TUSC3: variants seen among roughly 807,000 people sequenced by gnomAD.
The protein encoded by TUSC3 is dolichyl-diphosphooligosaccharide--protein glycosyltransferase subunit TUSC3.
In TUSC3, 45 loss-of-function variants were observed where a neutral mutation model predicts 44.8. The observed-to-expected ratio is 1.00, with a 90% CI of 0.79 to 1.29. The LOEUF (loss-of-function observed/expected upper bound fraction) is 1.29. Ranked by LOEUF, TUSC3 falls within the 50% of genes most tolerant of loss-of-function variation. TUSC3 has a pLI of 0.00. For missense variants in TUSC3, 519 were observed against 437.9 expected (o/e 1.19, Z -1.65); for synonymous variants, 212 against 152.9 (o/e 1.39, Z -2.85).
At chr8:15,557,762 A>G (rs1802318822) in intron 1 of TUSC3, among the ~76,000 whole-genome samples, 1 of 138,836 alleles carries the variant, frequency 7.2e-6, no homozygotes. Flanking sequence ...TTCTCTTTGA[A>G]GCAGTTGTGA....
intron 2 of TUSC3, among the ~76,000 whole-genome samples, chr8:15,497,830 C>T (rs760623368): frequency 1.1e-4 from 17 of 151,736 alleles, no homozygotes; most frequent in South Asian, 2.1e-4. Flanking sequence ...CTGCAACCTC[C>T]GCCTCCCGGG....
At chr8:15,763,951 A>G (rs958667239) in intron 10 of TUSC3, among the ~76,000 whole-genome samples, 6 of 152,080 alleles carry the variant, frequency 3.9e-5, no homozygotes, top group African/African-American at 7.2e-5. Flanking sequence ...AGGAATGTCT[A>G]TGTAAATTTA....
In TUSC3 at chr8:15,689,821, GGTGTGT is replaced by G. The variant is rs71543657; in HGVS notation, c.798+16022_798+16027del. ...TTTTTATGGCTGCTTAATAGTCCATGGTGTGTGTGTGTGTGTGTGTGTGTGTGTGTG... is the reference window on the plus strand; with the variant it reads ...TTTTTATGGCTGCTTAATAGTCCATGGTGTGTGTGTGTGTGTGTGTGTGTG... On this transcript the variant is annotated intron_variant, in intron 6 of 10. Transcript: ENST00000503731. Among the ~76,000 whole-genome samples, 1,281 of 131,038 alleles carry G rather than the reference GGTGTGT, an allele frequency of 9.8e-3. 20 individuals carry two copies. The highest frequency in any genetic ancestry group is 0.044 in the East Asian group (195 of 4,426). The allele number at this position is 131,038 out of a possible 152,430, so 86.0% of individuals were successfully genotyped here.
chr8:15,495,129 CA>C (rs1800864342), intron 2 of TUSC3, among the ~76,000 whole-genome samples: 1 of 151,020 alleles, frequency 6.6e-6, no homozygotes, highest in South Asian at 2.1e-4. Flanking sequence ...GTATATGTAC[CA>C]TATTTTCTTC....
intron 7 of TUSC3, among the ~76,000 whole-genome samples, chr8:15,739,783 A>C (rs1488844111): frequency 6.6e-6 from 1 of 152,202 alleles, no homozygotes; most frequent in Non-Finnish European, 1.5e-5. Flanking sequence ...TCTTTGCCCA[A>C]TGCTTGTTAT....
At chr8:15,578,801 C>G (rs1177519429) in intron 1 of TUSC3, among the ~76,000 whole-genome samples, 2 of 152,020 alleles carry the variant, frequency 1.3e-5, no homozygotes, top group African/African-American at 2.4e-5. Flanking sequence ...CTCTGCCTGG[C>G]TTTGGTATCA....
At chr8:15,476,316 A>C (rs138964618) in intron 1 of TUSC3, among the ~76,000 whole-genome samples, 1 of 152,174 alleles carries the variant, frequency 6.6e-6, no homozygotes, top group Non-Finnish European at 1.5e-5. Flanking sequence ...AATGTGTTCT[A>C]TTCCTCTGCG....
intron 2 of TUSC3, among the ~76,000 whole-genome samples, chr8:15,632,519 T>C (rs963723484): frequency 6.6e-6 from 1 of 152,130 alleles, no homozygotes; most frequent in African/African-American, 2.4e-5. Flanking sequence ...TTTTATTAAG[T>C]ATTTGGGGAG....
At chr8:15,708,714 G>C (rs902374333) in intron 6 of TUSC3, among the ~76,000 whole-genome samples, 2 of 151,890 alleles carry the variant, frequency 1.3e-5, no homozygotes, top group Non-Finnish European at 2.9e-5. Context: ...AATGCTTTCT[G>C]TCTAGCATTA....
intron 1 of TUSC3, among the ~76,000 whole-genome samples, chr8:15,570,974 T>TTTTTTTTTTTTTTTTTTTTTTTTTTTG (rs369802339): frequency 7.4e-6 from 1 of 134,616 alleles, no homozygotes. Context: ...TTTTTTTTTT[T>TTTTTTTTTTTTTTTTTTTTTTTTTTTG]GAGATTGAGT....
chr8:15,638,515 C>CTT (rs547743726), intron 2 of TUSC3, among the ~76,000 whole-genome samples: 75 of 81,086 alleles, frequency 9.2e-4, no homozygotes, highest in East Asian at 2.1e-3. Context: ...TTCTTTTTTT[C>CTT]TTTTTTTTTT....
chr8:15,438,980 T>C (rs1799987895), intron 1 of TUSC3, among the ~76,000 whole-genome samples: 1 of 152,156 alleles, frequency 6.6e-6, no homozygotes, highest in South Asian at 2.1e-4. Context: ...CAATTGCTGT[T>C]ACTCAGGCGT....
intron 7 of TUSC3, among the ~76,000 whole-genome samples, chr8:15,736,146 T>A (rs1483248046): frequency 6.6e-6 from 1 of 152,178 alleles, no homozygotes; most frequent in Non-Finnish European, 1.5e-5. Flanking sequence ...CAGGTGCATG[T>A]GCTTTGTGCT....
chr8:15,736,109 A>G (rs535139311), intron 7 of TUSC3, among the ~76,000 whole-genome samples: 1 of 152,276 alleles, frequency 6.6e-6, no homozygotes, highest in African/African-American at 2.4e-5. Context: ...GTGTGGGGAT[A>G]TGTAAACATA....
At chr8:15,731,208 C>G (rs1563194687) in intron 7 of TUSC3, among the ~76,000 whole-genome samples, 1 of 152,098 alleles carries the variant, frequency 6.6e-6, no homozygotes, top group East Asian at 1.9e-4. Context: ...TGAATCAGAT[C>G]ATACAATGTA....
chr8:15,520,919 C>T (rs1320867307), intron 2 of TUSC3, among the ~76,000 whole-genome samples: 1 of 152,134 alleles, frequency 6.6e-6, no homozygotes, highest in Non-Finnish European at 1.5e-5. Flanking sequence ...AAGCTGTCAG[C>T]CAAAGTGGAG....
chr8:15,595,791 ATTC>A (rs1197477535), intron 1 of TUSC3, among the ~76,000 whole-genome samples: 1 of 152,172 alleles, frequency 6.6e-6, no homozygotes, highest in African/African-American at 2.4e-5. Flanking sequence ...AAGAAGTAAA[ATTC>A]TACTATGTGT....
chr8:15,747,237 A>C (rs937959152), intron 8 of TUSC3, among the ~76,000 whole-genome samples: 1 of 152,040 alleles, frequency 6.6e-6, no homozygotes, highest in African/African-American at 2.4e-5. Flanking sequence ...ATAGTTCCTT[A>C]TTATAGAATC....
At chr8:15,538,839 A>G (rs1428509780), upstream of TUSC3, among the ~76,000 whole-genome samples, 1 of 151,404 alleles carries the variant, frequency 6.6e-6, no homozygotes, top group Non-Finnish European at 1.5e-5. Flanking sequence ...TTATATATAT[A>G]ATATTTTTAT....
Sources: gnomAD v4.1 joint callset for allele counts (sites outside exome capture counted in the v4.1 genomes callset) on GRCh38, gnomAD v4.1.1 for gene constraint, MANE v1.5 for transcripts, NCBI Gene and HGNC (gene_info 2026-07-23, HGNC 2026-07-21) for gene names.